HCN1: variants seen among roughly 807,000 people sequenced by gnomAD.
HCN1 encodes potassium/sodium hyperpolarization-activated cyclic nucleotide-gated channel 1.
In HCN1, 13 loss-of-function variants were observed where a neutral mutation model predicts 78.9. The observed-to-expected ratio is 0.16, with a 90% CI of 0.11 to 0.26. The LOEUF (loss-of-function observed/expected upper bound fraction) is 0.26, where lower values mean the gene tolerates loss of function less well. Among genes scored for constraint, HCN1 ranks in the 10% least tolerant of loss-of-function variants. The pLI is 1.00. For synonymous variants in HCN1, 552 were observed against 455.5 expected (o/e 1.21, Z -2.70); for missense variants, 810 against 1,154.3 (o/e 0.70, Z 4.32).
chr5:45,573,122 G>T (rs1404897601), intron 2 of HCN1, among the ~76,000 whole-genome samples: 4 of 152,236 alleles, frequency 2.6e-5, no homozygotes, highest in Non-Finnish European at 4.4e-5. Context: ...GTACATAATA[G>T]AATATTATCT....
chr5:45,641,579 T>C (rs528081323), intron 2 of HCN1: 1 of 152,306 alleles, frequency 6.6e-6, no homozygotes, highest in South Asian at 2.1e-4. Flanking sequence ...ATATTATAGT[T>C]ATATATTCCA....
chr5:45,386,397 G>C (rs1007596711), intron 4 of HCN1, among the ~76,000 whole-genome samples: 9 of 151,966 alleles, frequency 5.9e-5, no homozygotes, highest in African/African-American at 2.2e-4. Flanking sequence ...CAGGCTAGTT[G>C]TGAACTCCCT....
Position 45,366,442 on chromosome 5 carries a change from G to A in HCN1, c.1231-13196C>T, listed in dbSNP as rs185330077. Among the ~76,000 whole-genome samples, 636 of 151,716 alleles carry A rather than the reference G, an allele frequency of 4.2e-3. 4 individuals carry two copies. The highest frequency in any genetic ancestry group is 6.5e-3 in the Non-Finnish European group (439 of 67,776). On this transcript the variant is annotated intron_variant, in intron 4 of 7. Transcript: ENST00000303230. ...AAGCCCTGTATATATATGAAAATGC[G>A]TTAAAAACAGTAATAGCTTAAAACA...
At chr5:45,370,884 C>T (rs572455203) in intron 4 of HCN1, among the ~76,000 whole-genome samples, 47 of 152,130 alleles carry the variant, frequency 3.1e-4, no homozygotes, top group African/African-American at 1.1e-3. Flanking sequence ...CTAAATGGAA[C>T]ATTTAAAAAT....
intron 3 of HCN1, among the ~76,000 whole-genome samples, chr5:45,429,835 T>C (rs1579888929): frequency 6.6e-6 from 1 of 152,096 alleles, no homozygotes; most frequent in South Asian, 2.1e-4. Flanking sequence ...ACAGTGAGCC[T>C]GGAGATGAGA....
chr5:45,528,932 T>C (rs1742789578), intron 2 of HCN1, among the ~76,000 whole-genome samples: 1 of 152,024 alleles, frequency 6.6e-6, no homozygotes, highest in Non-Finnish European at 1.5e-5. Flanking sequence ...GAAGTTGCCC[T>C]TAGCTTTATG....
intron 2 of HCN1, among the ~76,000 whole-genome samples, chr5:45,515,611 C>T (rs1241681247): frequency 6.6e-6 from 1 of 151,922 alleles, no homozygotes; most frequent in Non-Finnish European, 1.5e-5. Context: ...CAGGTTGGCT[C>T]ATGTACAAAT....
At chr5:45,694,443 C>A (rs1275482121) in intron 1 of HCN1, among the ~76,000 whole-genome samples, 1 of 152,152 alleles carries the variant, frequency 6.6e-6, no homozygotes, top group Non-Finnish European at 1.5e-5. Flanking sequence ...TTTTTCACAG[C>A]TAATGTCATT....
At chr5:45,694,715 G>A (rs1039783190) in intron 1 of HCN1, among the ~76,000 whole-genome samples, 5 of 152,108 alleles carry the variant, frequency 3.3e-5, no homozygotes, top group African/African-American at 1.2e-4. Flanking sequence ...TAAGATAATC[G>A]TGCACACGCT....
chr5:45,528,407 A>G (rs897048130), intron 2 of HCN1, among the ~76,000 whole-genome samples: 4 of 151,958 alleles, frequency 2.6e-5, no homozygotes, highest in Non-Finnish European at 4.4e-5. Context: ...CACCATTACT[A>G]TAGACCAAAT....
intron 2 of HCN1, among the ~76,000 whole-genome samples, chr5:45,598,162 A>G (rs946317530): frequency 1.3e-5 from 2 of 152,220 alleles, no homozygotes; most frequent in Non-Finnish European, 2.9e-5. Flanking sequence ...CCGACTTCAA[A>G]CTATACTACA....
At chr5:45,363,108 TTTA>T (rs1747153685) in intron 4 of HCN1, among the ~76,000 whole-genome samples, 2 of 143,724 alleles carry the variant, frequency 1.4e-5, no homozygotes, top group East Asian at 4.0e-4. Context: ...ATATATAATA[TTTA>T]CATATTATAT....
intron 1 of HCN1, among the ~76,000 whole-genome samples, chr5:45,676,889 T>C (rs1441417252): frequency 1.3e-5 from 2 of 151,836 alleles, no homozygotes; most frequent in African/African-American, 2.4e-5. Flanking sequence ...TTACCTACCA[T>C]CTGTCGATCA....
In HCN1 at chr5:45,561,598, GAA is replaced by G. The variant is rs67020505; in HGVS notation, c.849+83585_849+83586del. ...TTTGTCCCTGGCTCCTGAGAAAAAAGAAAAAAAAAAAACCCAGGTAAGACGAG... is the reference window on the plus strand; with the variant it reads ...TTTGTCCCTGGCTCCTGAGAAAAAAGAAAAAAAAAACCCAGGTAAGACGAG... On this transcript the variant is annotated intron_variant, in intron 2 of 7. Coordinates refer to ENST00000303230, the MANE Select transcript of HCN1 (RefSeq NM_021072.4). 9.1e-3 allele frequency among the ~76,000 whole-genome samples: 1,297 copies of G among 142,162 alleles called. 11 individuals are homozygous for G. The highest frequency in any genetic ancestry group is 0.032 in the African/African-American group (1,241 of 38,556). 93.3% of individuals were successfully genotyped at this position (142,162 alleles called of 152,430 possible). A position where few individuals can be genotyped will look rare whatever the true frequency, so the allele number is the denominator to read the frequency against.
At chr5:45,673,658 T>C (rs1384639230) in intron 1 of HCN1, among the ~76,000 whole-genome samples, 2 of 151,562 alleles carry the variant, frequency 1.3e-5, no homozygotes, top group Non-Finnish European at 3.0e-5. Context: ...AATTCTTTGC[T>C]TATATCAGTA....
intron 2 of HCN1, among the ~76,000 whole-genome samples, chr5:45,607,207 T>C (rs188137158): frequency 1.6e-3 from 237 of 151,764 alleles, no homozygotes; most frequent in African/African-American, 5.4e-3. Flanking sequence ...TATTAAAAAA[T>C]TTTCAAAAAT....
intron 6 of HCN1, among the ~76,000 whole-genome samples, chr5:45,292,457 T>C (rs1745399353): frequency 6.6e-6 from 1 of 152,014 alleles, no homozygotes; most frequent in Non-Finnish European, 1.5e-5. Flanking sequence ...CTAGACATCA[T>C]TCCTACAGAT....
At chr5:45,525,116 C>CAT (rs1742707414) in intron 2 of HCN1, among the ~76,000 whole-genome samples, 1 of 151,950 alleles carries the variant, frequency 6.6e-6, no homozygotes, top group Non-Finnish European at 1.5e-5. Flanking sequence ...TTGAGATAAT[C>CAT]GTGGTTTTTG....
intron 2 of HCN1, among the ~76,000 whole-genome samples, chr5:45,479,348 AAC>A (rs914689743): frequency 2.0e-5 from 3 of 152,196 alleles, no homozygotes; most frequent in African/African-American, 7.2e-5. Context: ...TTAGGAAAGT[AAC>A]AATATTATCT....
Sources: allele counts gnomAD v4.1 joint callset (sites outside exome capture counted in the v4.1 genomes callset), GRCh38; gene constraint gnomAD v4.1.1; transcripts MANE v1.5; gene names NCBI Gene and HGNC (gene_info 2026-07-23, HGNC 2026-07-21).